The following FBXW11 variants were observed in gnomAD, a reference collection of about 807,000 sequenced individuals.
The protein encoded by FBXW11 is F-box and WD repeat domain containing 11.
In FBXW11, 19 loss-of-function variants were observed where a neutral mutation model predicts 77.6. The observed-to-expected ratio is 0.24, with a 90% confidence interval of 0.17 to 0.36. FBXW11 has a LOEUF of 0.36. Among genes scored for constraint, FBXW11 ranks in the 10% least tolerant of loss-of-function variants. The pLI is 1.00. For synonymous variants in FBXW11, 235 were observed against 249.4 expected, an observed-to-expected ratio of 0.94 and a Z score of 0.54; for missense variants, 334 against 704.2, an observed-to-expected ratio of 0.47 and a Z score of 5.95.
chr5:171,948,213 C>T lies in FBXW11; in HGVS notation c.147+9384G>A, dbSNP rs564912921. On this transcript the variant is annotated intron_variant, in intron 2 of 13. Transcript: ENST00000517395. Reference sequence around the variant, plus strand: ...TCATGCCACTGCACACCAGCCTGGGCGACAGAGTGAGACTCCAACTCAAAA... The same window carrying T: ...TCATGCCACTGCACACCAGCCTGGGTGACAGAGTGAGACTCCAACTCAAAA... Among the ~76,000 whole-genome samples the T allele has an allele frequency of 2.1e-4, 27 of 127,026 alleles. No individual in the cohort carries two copies. In the East Asian group the frequency reaches 5.4e-3, roughly 26 times the overall value. 83.3% of individuals were successfully genotyped at this position (127,026 alleles called of 152,430 possible).
chr5:172,002,425 T>G (rs968455969), intron 1 of FBXW11, among the ~76,000 whole-genome samples: 2 of 151,690 alleles, frequency 1.3e-5, no homozygotes, highest in Admixed American at 6.6e-5. Context: ...TGTGTGTGTG[T>G]GTGTGTGTGT....
intron 1 of FBXW11, among the ~76,000 whole-genome samples, chr5:171,994,781 T>C (rs1765937772): frequency 6.6e-6 from 1 of 152,216 alleles, no homozygotes; most frequent in Non-Finnish European, 1.5e-5. Flanking sequence ...CTCACACCTG[T>C]AATCCCAACA....
At chr5:171,878,575 TGTGTGTGTGTGTGTGTAAGAGAGAGAGA>T (rs2113787116) in intron 7 of FBXW11, among the ~76,000 whole-genome samples, 1 of 66,116 alleles carries the variant, frequency 1.5e-5, no homozygotes, top group East Asian at 6.1e-4. Flanking sequence ...TGTGTGTGTG[TGTGTGTGTGTGTGTGTAAGAGAGAGAGA>T]GTGTGTGTGT....
At chr5:171,987,814 T>C (rs1765527394) in intron 1 of FBXW11, among the ~76,000 whole-genome samples, 1 of 152,162 alleles carries the variant, frequency 6.6e-6, no homozygotes, top group African/African-American at 2.4e-5. Flanking sequence ...CCTACAACAC[T>C]GTTTGTCTAC....
At chr5:171,915,685 T>C (rs528701304) in intron 2 of FBXW11, among the ~76,000 whole-genome samples, 10 of 147,236 alleles carry the variant, frequency 6.8e-5, no homozygotes, top group African/African-American at 2.5e-4. Flanking sequence ...TGGGAACAAA[T>C]ACAAACACAC....
intron 10 of FBXW11, among the ~76,000 whole-genome samples, chr5:171,871,391 T>C (rs1463616834): frequency 3.3e-5 from 5 of 152,174 alleles, no homozygotes; most frequent in Admixed American, 2.0e-4. Context: ...ACCACTGAGG[T>C]TAGAACTGGC....
chr5:171,867,299 A>G (rs1757461241), intron 13 of FBXW11, among the ~76,000 whole-genome samples: 1 of 152,182 alleles, frequency 6.6e-6, no homozygotes, highest in Admixed American at 6.5e-5. Flanking sequence ...GCCACAGACA[A>G]TACATAAAGG....
chr5:172,001,125 T>C (rs1339479329), intron 1 of FBXW11, among the ~76,000 whole-genome samples: 1 of 152,190 alleles, frequency 6.6e-6, no homozygotes, highest in African/African-American at 2.4e-5. Context: ...TCTCTATTCA[T>C]CTCTACCTTT....
At chr5:171,900,756 CT>C (rs1373673748) in intron 4 of FBXW11, among the ~76,000 whole-genome samples, 1 of 152,162 alleles carries the variant, frequency 6.6e-6, no homozygotes, top group Admixed American at 6.5e-5. Flanking sequence ...TTTTCTGTTC[CT>C]AAACAGATGG....
chr5:171,954,274 C>G (rs577724692), intron 2 of FBXW11, among the ~76,000 whole-genome samples: 46 of 152,330 alleles, frequency 3.0e-4, no homozygotes, highest in Non-Finnish European at 5.1e-4. Flanking sequence ...GCTTTGCAGT[C>G]ATCCAGATTA....
At chr5:171,999,512 C>T (rs1766284376) in intron 1 of FBXW11, among the ~76,000 whole-genome samples, 1 of 151,974 alleles carries the variant, frequency 6.6e-6, no homozygotes, top group African/African-American at 2.4e-5. Context: ...CAAAGATTAA[C>T]AGATGCCAGG....
At position 171,972,502 on chromosome 5, in the gene FBXW11, TAAAAAAAAA is replaced by T. The variant is rs70982360; in HGVS notation, c.46-14813_46-14805del. 4.2e-3 allele frequency among the ~76,000 whole-genome samples: 203 copies of T among 48,220 alleles called. 2 individuals carry two copies. The highest frequency in any genetic ancestry group is 0.025 in the Middle Eastern group (1 of 40). The allele number at this position is 48,220 out of a possible 152,430, so 31.6% of individuals were successfully genotyped here. On this transcript the variant is annotated intron_variant, in intron 1 of 13. Transcript: ENST00000517395. ...GGCAACAGAGTGAGACTCTGTCTCATAAAAAAAAAAAAAAAAAAAAAAAAAAGTTAAAAC... is the reference window on the plus strand; with the variant it reads ...GGCAACAGAGTGAGACTCTGTCTCATAAAAAAAAAAAAAAAAAGTTAAAAC...
intron 1 of FBXW11, among the ~76,000 whole-genome samples, chr5:171,997,642 C>G (rs1457750162): frequency 6.6e-6 from 1 of 152,142 alleles, no homozygotes; most frequent in Non-Finnish European, 1.5e-5. Flanking sequence ...CAGTCCCGTA[C>G]AATGGCCAAT....
At chr5:171,903,784 T>C (rs1055336639) in intron 4 of FBXW11, among the ~76,000 whole-genome samples, 2 of 152,098 alleles carry the variant, frequency 1.3e-5, no homozygotes, top group Admixed American at 6.6e-5. Flanking sequence ...TAGCTGAGAC[T>C]ACAAGTATGC....
At chr5:171,884,887 T>C (rs1321947605) in intron 7 of FBXW11, among the ~76,000 whole-genome samples, 1 of 152,200 alleles carries the variant, frequency 6.6e-6, no homozygotes, top group Non-Finnish European at 1.5e-5. Context: ...CTGGTCACTG[T>C]TGGTTTACAG....
intron 1 of FBXW11, among the ~76,000 whole-genome samples, chr5:171,958,143 T>C (rs1763713993): frequency 6.6e-6 from 1 of 152,208 alleles, no homozygotes; most frequent in African/African-American, 2.4e-5. Context: ...TTTACATTTG[T>C]TCTCTAATCC....
intron 1 of FBXW11, among the ~76,000 whole-genome samples, chr5:172,000,929 A>G (rs1402599843): frequency 2.0e-5 from 3 of 152,174 alleles, no homozygotes; most frequent in African/African-American, 7.2e-5. Context: ...CTTATCAACT[A>G]TTTGGCAAAC....
At chr5:171,878,914 A>G (rs1361475516) in intron 7 of FBXW11, among the ~76,000 whole-genome samples, 1 of 152,186 alleles carries the variant, frequency 6.6e-6, no homozygotes. Flanking sequence ...ACAAAAACAA[A>G]AAGTGGAAAA....
chr5:171,960,288 T>C (rs577283931), intron 1 of FBXW11, among the ~76,000 whole-genome samples: 49 of 152,286 alleles, frequency 3.2e-4, no homozygotes, highest in African/African-American at 1.1e-3. Flanking sequence ...GGTGGGAGGA[T>C]TGCTTGAGCT....
Sources: gnomAD v4.1 joint callset for allele counts (sites outside exome capture counted in the v4.1 genomes callset) on GRCh38, gnomAD v4.1.1 for gene constraint, MANE v1.5 for transcripts, NCBI Gene and HGNC (gene_info 2026-07-23, HGNC 2026-07-21) for gene names.